The following FBXL17 variants were observed in gnomAD, a reference collection of about 807,000 sequenced individuals.
The protein encoded by FBXL17 is F-box and leucine rich repeat protein 17.
FBXL17 carries 22 observed loss-of-function variants against 66.2 expected under a neutral mutation model. That is an observed-to-expected ratio of 0.33 (90% CI 0.24 to 0.47). The LOEUF (loss-of-function observed/expected upper bound fraction) is 0.47, where lower values mean the gene tolerates loss of function less well. Ranked by LOEUF, FBXL17 falls within the 20% of genes least tolerant of loss-of-function variation. The pLI, the probability that FBXL17 is intolerant of heterozygous loss-of-function variation, is 1.00. For missense variants in FBXL17, 878 were observed against 948.2 expected, an observed-to-expected ratio of 0.93 and a Z score of 0.97; for synonymous variants, 474 against 400.5, an observed-to-expected ratio of 1.18 and a Z score of -2.19.
intron 7 of FBXL17, among the ~76,000 whole-genome samples, chr5:107,945,369 C>T (rs1382537322): frequency 6.6e-6 from 1 of 151,930 alleles, no homozygotes; most frequent in Non-Finnish European, 1.5e-5. Flanking sequence ...CTAGTAAAGT[C>T]GAAGATGTAC....
chr5:108,055,021 G>C (rs1580379582), intron 6 of FBXL17, among the ~76,000 whole-genome samples: 1 of 152,014 alleles, frequency 6.6e-6, no homozygotes, highest in South Asian at 2.1e-4. Context: ...GAGTTTTAAA[G>C]ACACTGAAAA....
At position 107,865,149 on chromosome 5, in the gene FBXL17, C is replaced by T. The variant is rs558624949; in HGVS notation, c.1966-3289G>A. On this transcript the variant is annotated intron_variant, in intron 8 of 8. Coordinates refer to ENST00000542267, the MANE Select transcript of FBXL17 (RefSeq NM_001163315.3). ...AGAAAACATTCAAAACCACTGTTAA[C>T]GATATGAACTCTTTTCTATGGTACA... Among the ~76,000 whole-genome samples, 11 of 152,268 alleles carry T rather than the reference C, an allele frequency of 7.2e-5. No homozygotes were observed. In the South Asian group the frequency reaches 2.1e-3, roughly 29 times the overall value.
chr5:107,989,214 G>A (rs1008180306), intron 7 of FBXL17, among the ~76,000 whole-genome samples: 1 of 151,944 alleles, frequency 6.6e-6, no homozygotes, highest in African/African-American at 2.4e-5. Context: ...GTCCTACTAT[G>A]CTATCAAACA....
chr5:108,250,022 T>C (rs747698222), intron 4 of FBXL17, among the ~76,000 whole-genome samples: 3 of 152,120 alleles, frequency 2.0e-5, no homozygotes, highest in African/African-American at 4.8e-5. Flanking sequence ...TTAAGAACTG[T>C]TTCATATCCA....
chr5:108,315,141 A>C (rs1429751956), intron 4 of FBXL17, among the ~76,000 whole-genome samples: 2 of 151,150 alleles, frequency 1.3e-5, no homozygotes, highest in Non-Finnish European at 3.0e-5. Context: ...TCAGGAAAAA[A>C]CATATAAATT....
At chr5:108,124,630 A>G (rs1431627608) in intron 6 of FBXL17, among the ~76,000 whole-genome samples, 2 of 152,082 alleles carry the variant, frequency 1.3e-5, no homozygotes, top group African/African-American at 4.8e-5. Flanking sequence ...TGCTACCCAG[A>G]TAGTAAGCAA....
intron 4 of FBXL17, among the ~76,000 whole-genome samples, chr5:108,310,646 AC>A (rs1215284722): frequency 6.6e-6 from 1 of 152,196 alleles, no homozygotes; most frequent in Non-Finnish European, 1.5e-5. Flanking sequence ...TCAAGAAATA[AC>A]TTAGAGCTAG....
Position 108,337,233 on chromosome 5 carries a change from G to GT in FBXL17, c.1506+11165dup, listed in dbSNP as rs1315596316. On this transcript the variant is annotated intron_variant, in intron 4 of 8. Coordinates refer to ENST00000542267, the MANE Select transcript of FBXL17 (RefSeq NM_001163315.3). Reference sequence around the variant, plus strand: ...ATCGTGCCACTGCACTCCAGCCTGGGTGACAGAGTGAGACTCCATCTCAAA... The same window carrying GT: ...ATCGTGCCACTGCACTCCAGCCTGGGTTGACAGAGTGAGACTCCATCTCAAA... Among the ~76,000 whole-genome samples, 15 of 150,012 alleles carry GT rather than the reference G, an allele frequency of 1.0e-4. No homozygotes were observed. In the East Asian group the frequency reaches 2.8e-3, roughly 28 times the overall value.
chr5:108,091,510 T>G (rs1749187175), intron 6 of FBXL17, among the ~76,000 whole-genome samples: 1 of 152,244 alleles, frequency 6.6e-6, no homozygotes, highest in Admixed American at 6.5e-5. Context: ...TTGGGTACTT[T>G]ATTGCATGTT....
intron 7 of FBXL17, among the ~76,000 whole-genome samples, chr5:107,957,373 A>G (rs1276910159): frequency 6.6e-6 from 1 of 152,048 alleles, no homozygotes; most frequent in Non-Finnish European, 1.5e-5. Flanking sequence ...AAAAGGAAAC[A>G]AGATTTTTTC....
chr5:108,359,725 T>C (rs1421041408), intron 3 of FBXL17, among the ~76,000 whole-genome samples: 1 of 152,142 alleles, frequency 6.6e-6, no homozygotes, highest in Non-Finnish European at 1.5e-5. Flanking sequence ...ATATGGTCTA[T>C]CTGTGAGACT....
chr5:108,205,225 G>C (rs532638381), intron 5 of FBXL17, among the ~76,000 whole-genome samples: 1 of 152,096 alleles, frequency 6.6e-6, no homozygotes, highest in Non-Finnish European at 1.5e-5. Context: ...ATATTTTCAC[G>C]ATTTTTGTTT....
chr5:107,946,916 G>A (rs1415804290), intron 7 of FBXL17, among the ~76,000 whole-genome samples: 3 of 151,930 alleles, frequency 2.0e-5, no homozygotes, highest in African/African-American at 7.3e-5. Flanking sequence ...ACATCTGGAG[G>A]GTGATTTTTT....
intron 7 of FBXL17, among the ~76,000 whole-genome samples, chr5:107,886,291 T>C (rs1748967791): frequency 1.3e-5 from 2 of 152,184 alleles, no homozygotes; most frequent in South Asian, 4.1e-4. Flanking sequence ...GGCACACACA[T>C]ACACAGATAC....
intron 6 of FBXL17, among the ~76,000 whole-genome samples, chr5:108,108,975 G>A (rs1191387393): frequency 1.3e-5 from 2 of 151,820 alleles, no homozygotes; most frequent in East Asian, 3.9e-4. Flanking sequence ...GTACAGATGG[G>A]GTTCTCCATG....
chr5:108,133,835 T>C (rs1471554824), intron 6 of FBXL17, among the ~76,000 whole-genome samples: 1 of 152,198 alleles, frequency 6.6e-6, no homozygotes, highest in African/African-American at 2.4e-5. Context: ...TCCTTGTCTG[T>C]AAAAATGAGT....
intron 7 of FBXL17, among the ~76,000 whole-genome samples, chr5:107,970,228 T>C (rs1227258182): frequency 1.3e-5 from 2 of 152,130 alleles, no homozygotes; most frequent in Non-Finnish European, 2.9e-5. Context: ...AGAGGACCTG[T>C]GATGGTTCTC....
intron 7 of FBXL17, among the ~76,000 whole-genome samples, chr5:107,957,305 C>T (rs527919073): frequency 1.8e-4 from 28 of 152,098 alleles, no homozygotes; most frequent in African/African-American, 6.3e-4. Flanking sequence ...TATACTCAGC[C>T]AATTAGTGTG....
At chr5:108,266,391 A>G (rs1037035362) in intron 4 of FBXL17, among the ~76,000 whole-genome samples, 1 of 152,138 alleles carries the variant, frequency 6.6e-6, no homozygotes, top group African/African-American at 2.4e-5. Flanking sequence ...ATCCTGCTCT[A>G]TTCCACCCAG....
Sources: allele counts gnomAD v4.1 joint callset (sites outside exome capture counted in the v4.1 genomes callset), GRCh38; gene constraint gnomAD v4.1.1; transcripts MANE v1.5; gene names NCBI Gene and HGNC (gene_info 2026-07-23, HGNC 2026-07-21).